DSTN: variants seen among roughly 807,000 people sequenced by gnomAD.
The protein encoded by DSTN is destrin.
Under a neutral mutation model 16.8 loss-of-function variants are expected in DSTN, and 10 were observed. The observed-to-expected ratio is 0.60, with a 90% CI of 0.37 to 1.01. The LOEUF is 1.01. Ranked by LOEUF, DSTN falls within the 50% of genes least tolerant of loss-of-function variation. The pLI, the probability that DSTN is intolerant of heterozygous loss-of-function variation, is 0.01. For synonymous variants in DSTN, 57 were observed against 58.9 expected (o/e 0.97, Z 0.14); for missense variants, 141 against 196.7 (o/e 0.72, Z 1.69).
At chr20:17,588,313 A>G (rs552655636) in intron 1 of DSTN, among the ~76,000 whole-genome samples, 9 of 152,284 alleles carry the variant, frequency 5.9e-5, no homozygotes, top group East Asian at 1.9e-4. Context: ...GACTTAACCA[A>G]TGTACACTTT....
chr20:17,593,792 T>C (rs1007377308), intron 1 of DSTN, among the ~76,000 whole-genome samples: 4 of 151,992 alleles, frequency 2.6e-5, no homozygotes, highest in Admixed American at 2.6e-4. Flanking sequence ...TGGAGCCCAT[T>C]ATTGGGCTGG....
chr20:17,596,555 C>T (rs2035528775), intron 1 of DSTN: 1 of 923,586 alleles, frequency 1.1e-6, no homozygotes, highest in Non-Finnish European at 1.3e-6. Flanking sequence ...TTGACATGTC[C>T]TTGAATTTTT....
At position 17,607,180 on chromosome 20, in the gene DSTN, T is replaced by C; in HGVS notation, c.*34T>C. ...GTGCCACAAATTGAAAGCTTCCATG[T>C]TTAATGTTATCCTCTTGCTATATAA... On this transcript the variant is annotated 3_prime_UTR_variant, in exon 4 of 4. Coordinates refer to ENST00000246069, the MANE Select transcript of DSTN (RefSeq NM_006870.4). 2 of 1,587,700 alleles carry C rather than the reference T, an allele frequency of 1.3e-6. No homozygotes were observed. Among genetic ancestry groups the C allele is most frequent in the Non-Finnish European group, 1.7e-6 (2 of 1,160,802 alleles).
chr20:17,580,338 C>T (rs573838693), intron 1 of DSTN, among the ~76,000 whole-genome samples: 38 of 152,162 alleles, frequency 2.5e-4, no homozygotes, highest in Non-Finnish European at 3.7e-4. Flanking sequence ...GGTCCAAGCA[C>T]TAGGGAAACA....
In DSTN at chr20:17,604,549, A is replaced by G. The variant is rs1349815753; in HGVS notation, c.312-6A>G. The G allele has an allele frequency of 1.2e-6, 2 of 1,608,298 alleles. No homozygotes were observed. Among genetic ancestry groups the G allele is most frequent in the South Asian group, 1.1e-5 (1 of 89,358 alleles). On this transcript the variant is annotated splice_polypyrimidine_tract_variant and splice_region_variant and intron_variant, in intron 2 of 3. Transcript: ENST00000246069. ...CTTTTTTCATTTTTGGCATCTTTCT[A>G]TCTAGGGCACCAGAACTAGCACCTC... is the stretch of plus-strand genomic sequence containing the variant.
chr20:17,590,802 C>G (rs1370270905), intron 1 of DSTN, among the ~76,000 whole-genome samples: 1 of 152,062 alleles, frequency 6.6e-6, no homozygotes, highest in African/African-American at 2.4e-5. Context: ...ATCTAATAAC[C>G]TAACATTTTA....
intron 1 of DSTN, among the ~76,000 whole-genome samples, chr20:17,583,731 G>GTTTTTTTTTTTT (rs74172899): frequency 1.1e-4 from 3 of 28,018 alleles, no homozygotes; most frequent in Non-Finnish European, 2.6e-4. Flanking sequence ...TGGGTTTGGA[G>GTTTTTTTTTTTT]TTTCTTTTTT....
chr20:17,580,313 TG>T (rs764872435), intron 1 of DSTN, among the ~76,000 whole-genome samples: 35 of 152,244 alleles, frequency 2.3e-4, no homozygotes, highest in Non-Finnish European at 4.0e-4. Flanking sequence ...GAGAGATTTT[TG>T]TATGTCAAGA....
chr20:17,599,055 C>T (rs1414505738), intron 1 of DSTN, among the ~76,000 whole-genome samples: 1 of 152,200 alleles, frequency 6.6e-6, no homozygotes, highest in Admixed American at 6.5e-5. Flanking sequence ...AAAGTGGAAA[C>T]AACCCAAATG....
At chr20:17,570,348 CTGCGGGTGAGGGG>C in intron 1 of DSTN, 137 bp downstream of exon 1, 1 of 1,239,436 alleles carries the variant, frequency 8.1e-7, no homozygotes, top group Non-Finnish European at 1.0e-6. Flanking sequence ...AGTGTCCGGG[CTGCGGGTGAGGGG>C]GGGTCTCTGG....
Position 17,570,163 on chromosome 20 carries a change from G to T in DSTN, c.-46G>T, listed in dbSNP as rs376638238. 1,020 of 1,517,544 alleles carry T rather than the reference G, an allele frequency of 6.7e-4. 5 individuals carry two copies. The African/African-American group carries it at 0.013, about 19-fold the overall frequency. 94.0% of individuals were successfully genotyped at this position (1,517,544 alleles called of 1,614,324 possible). A position where few individuals can be genotyped will look rare whatever the true frequency, so the allele number is the denominator to read the frequency against. Reference sequence around the variant, plus strand: ...GAGGAGGACGGTCTGCATACTCGCTGCCCGCCGGCTCCCTCCCCCGCGTCC... The same window carrying T: ...GAGGAGGACGGTCTGCATACTCGCTTCCCGCCGGCTCCCTCCCCCGCGTCC... On this transcript the variant is annotated 5_prime_UTR_variant, in exon 1 of 4. Coordinates refer to ENST00000246069, the MANE Select transcript of DSTN (RefSeq NM_006870.4).
intron 2 of DSTN, among the ~76,000 whole-genome samples, chr20:17,604,108 C>T (rs1568741112): frequency 6.6e-6 from 1 of 152,038 alleles, no homozygotes. Flanking sequence ...ACGGATTATT[C>T]TCTGTACTTT....
rs73258680 is a variant in DSTN at position 17,591,779 on chromosome 20, A to G, written c.4-8959A>G. On this transcript the variant is annotated intron_variant, in intron 1 of 3. Coordinates refer to ENST00000246069, the MANE Select transcript of DSTN (RefSeq NM_006870.4). ...TTAATTCAGAGATAATGACTTGCCT[A>G]AGGTGACATAGCTAGTTAGTAGAGG... 3.3e-5 allele frequency among the ~76,000 whole-genome samples: 5 copies of G among 152,314 alleles called. No individual in the cohort carries two copies. The East Asian group carries it at 5.8e-4, about 18-fold the overall frequency.
intron 1 of DSTN, among the ~76,000 whole-genome samples, chr20:17,574,865 C>CTTTTCTTTTTTTTTTTTTTTTTTT (rs1354147534): frequency 2.5e-4 from 16 of 64,254 alleles, no homozygotes; most frequent in African/African-American, 9.0e-4. Flanking sequence ...CTTTTCTTTT[C>CTTTTCTTTTTTTTTTTTTTTTTTT]TTTTGTTTTT....
chr20:17,592,517 G>T (rs890605669), intron 1 of DSTN, among the ~76,000 whole-genome samples: 1 of 151,846 alleles, frequency 6.6e-6, no homozygotes, highest in Non-Finnish European at 1.5e-5. Context: ...TCTCAAGGAT[G>T]TGGTAAGTAA....
intron 1 of DSTN, among the ~76,000 whole-genome samples, chr20:17,583,924 A>T (rs560226246): frequency 1.9e-4 from 29 of 151,808 alleles, no homozygotes; most frequent in Non-Finnish European, 4.1e-4. Context: ...TTTTTTGTCA[A>T]GATGAGGTCT....
At chr20:17,589,887 TTTAA>T (rs1568735368) in intron 1 of DSTN, among the ~76,000 whole-genome samples, 1 of 152,230 alleles carries the variant, frequency 6.6e-6, no homozygotes, top group Non-Finnish European at 1.5e-5. Flanking sequence ...AAAAAAATTT[TTTAA>T]TTAATAATTT....
chr20:17,598,878 A>G (rs1422717056), intron 1 of DSTN, among the ~76,000 whole-genome samples: 2 of 152,194 alleles, frequency 1.3e-5, no homozygotes, highest in African/African-American at 2.4e-5. Context: ...GACTACAGGC[A>G]TAGCTACTAC....
rs117016945 is a variant in DSTN at position 17,598,095 on chromosome 20, A to G, written c.4-2643A>G. On this transcript the variant is annotated intron_variant, in intron 1 of 3. Transcript: ENST00000246069. ...CATCTTAAAAATCTATTCATCACTA[A>G]ATGGACTTTAGGATTGTTTTCACTT... Among the ~76,000 whole-genome samples, 67 of 152,210 alleles carry G rather than the reference A, an allele frequency of 4.4e-4. No individual in the cohort carries two copies. In the East Asian group the frequency reaches 0.013, roughly 28 times the overall value.
Sources: gnomAD v4.1 joint callset for allele counts (sites outside exome capture counted in the v4.1 genomes callset) on GRCh38, gnomAD v4.1.1 for gene constraint, MANE v1.5 for transcripts, NCBI Gene and HGNC (gene_info 2026-07-23, HGNC 2026-07-21) for gene names.